Variants in GRM3 observed in about 807,000 individuals in gnomAD.
The protein encoded by GRM3 is glutamate metabotropic receptor 3, also known as metabotropic glutamate receptor 3.
In GRM3, 26 loss-of-function variants were observed where a neutral mutation model predicts 70.5. The ratio of observed to expected loss-of-function variants is 0.37; its 90% CI spans 0.27 to 0.51. GRM3 has a LOEUF of 0.51. Among genes scored for constraint, GRM3 ranks in the 20% least tolerant of loss-of-function variants. GRM3 has a pLI of 0.93. For synonymous variants in GRM3, 443 were observed against 434.9 expected, an observed-to-expected ratio of 1.02 and a Z score of -0.23; for missense variants, 859 against 1,123.8, an observed-to-expected ratio of 0.76 and a Z score of 3.37.
chr7:86,769,596 G>T (rs911798033), intron 2 of GRM3, among the ~76,000 whole-genome samples: 3 of 152,086 alleles, frequency 2.0e-5, no homozygotes, highest in African/African-American at 7.2e-5. Context: ...TTTTCCGGAA[G>T]GCAGCATAGG....
intron 1 of GRM3, among the ~76,000 whole-genome samples, chr7:86,693,676 A>C (rs555886503): frequency 2.2e-4 from 34 of 152,302 alleles, no homozygotes; most frequent in African/African-American, 8.2e-4. Flanking sequence ...GGTGTGAGAG[A>C]GATTATCTCA....
intron 3 of GRM3, among the ~76,000 whole-genome samples, chr7:86,806,685 T>G (rs1327735400): frequency 6.6e-6 from 1 of 152,192 alleles, no homozygotes; most frequent in Admixed American, 6.5e-5. Context: ...TTTTCTCCCA[T>G]TCTGTAGGTT....
At chr7:86,801,264 T>C (rs1045814561) in intron 3 of GRM3, among the ~76,000 whole-genome samples, 2 of 152,004 alleles carry the variant, frequency 1.3e-5, no homozygotes, top group Non-Finnish European at 2.9e-5. Flanking sequence ...CGAGACGGGG[T>C]TTCACTATGT....
chr7:86,706,115 C>T (rs772522362), intron 1 of GRM3, among the ~76,000 whole-genome samples: 1 of 151,990 alleles, frequency 6.6e-6, no homozygotes, highest in Non-Finnish European at 1.5e-5. Flanking sequence ...ATGAAAATTA[C>T]TAAGAGACAC....
chr7:86,790,960 C>T (rs1275556662), intron 3 of GRM3, among the ~76,000 whole-genome samples: 1 of 151,988 alleles, frequency 6.6e-6, no homozygotes, highest in Non-Finnish European at 1.5e-5. Flanking sequence ...CATACTACAT[C>T]ATCTATTACT....
intron 2 of GRM3, among the ~76,000 whole-genome samples, chr7:86,784,987 G>A (rs1797187675): frequency 6.6e-6 from 1 of 152,124 alleles, no homozygotes; most frequent in Non-Finnish European, 1.5e-5. Flanking sequence ...ATGATTAATC[G>A]GGGCTCAGAT....
chr7:86,731,614 T>C (rs1795736190), intron 1 of GRM3, among the ~76,000 whole-genome samples: 1 of 152,198 alleles, frequency 6.6e-6, no homozygotes, highest in Non-Finnish European at 1.5e-5. Context: ...TTTTCTTATT[T>C]AAAAATATTG....
rs111401448 is a variant in GRM3 at position 86,864,651 on chromosome 7, C to A, written c.*296C>A. 5,690 of 100,816 alleles carry A rather than the reference C, an allele frequency of 0.056. 333 individuals carry two copies. Among genetic ancestry groups the A allele is most frequent in the African/African-American group, 0.16 (4,777 of 30,514 alleles). 6.2% of individuals were successfully genotyped at this position (100,816 alleles called of 1,614,324 possible). On this transcript the variant is annotated 3_prime_UTR_variant, in exon 6 of 6. Coordinates refer to ENST00000361669, the MANE Select transcript of GRM3 (RefSeq NM_000840.3). ...TCTACTAAAAAACAAAAAAAAAAAA[C>A]AAAAAAAAAAAAACAAAAGAAAAAA...
At chr7:86,713,251 T>C (rs1795240034) in intron 1 of GRM3, among the ~76,000 whole-genome samples, 1 of 152,112 alleles carries the variant, frequency 6.6e-6, no homozygotes, top group Non-Finnish European at 1.5e-5. Context: ...TATTTTCATA[T>C]ACCTGTTAGC....
chr7:86,780,916 A>C (rs1459846331), intron 2 of GRM3, among the ~76,000 whole-genome samples: 6 of 152,220 alleles, frequency 3.9e-5, no homozygotes, highest in Non-Finnish European at 8.8e-5. Flanking sequence ...GACAAACATT[A>C]TACCTTGAAA....
intron 1 of GRM3, among the ~76,000 whole-genome samples, chr7:86,764,314 G>T (rs1487065829): frequency 6.6e-6 from 1 of 152,120 alleles, no homozygotes; most frequent in Non-Finnish European, 1.5e-5. Context: ...CTAGGAAGTT[G>T]TAATAGGTAG....
intron 3 of GRM3, among the ~76,000 whole-genome samples, chr7:86,835,494 T>C (rs559483732): frequency 6.6e-6 from 1 of 152,296 alleles, no homozygotes; most frequent in South Asian, 2.1e-4. Flanking sequence ...ATGGATAGAA[T>C]CAGTTACCTA....
At chr7:86,796,253 A>G (rs773886682) in intron 3 of GRM3, among the ~76,000 whole-genome samples, 26 of 152,336 alleles carry the variant, frequency 1.7e-4, no homozygotes, top group Non-Finnish European at 2.9e-4. Context: ...GGTACAAGGA[A>G]GGGATCCTAT....
At chr7:86,767,220 A>T (rs1015540645) in intron 2 of GRM3, among the ~76,000 whole-genome samples, 1 of 152,060 alleles carries the variant, frequency 6.6e-6, no homozygotes, top group African/African-American at 2.4e-5. Flanking sequence ...CTCAAAAAAA[A>T]AAATGTAAAT....
chr7:86,810,212 C>T (rs1162735763), intron 3 of GRM3, among the ~76,000 whole-genome samples: 1 of 151,920 alleles, frequency 6.6e-6, no homozygotes, highest in Admixed American at 6.6e-5. Flanking sequence ...CAATCTCATT[C>T]TTTGTCAAAA....
chr7:86,689,507 T>C (rs1794648449), intron 1 of GRM3, among the ~76,000 whole-genome samples: 1 of 152,098 alleles, frequency 6.6e-6, no homozygotes, highest in South Asian at 2.1e-4. Flanking sequence ...CAAGAAAGTG[T>C]TTCCTTACCA....
At chr7:86,648,104 C>G (rs1793519836) in intron 1 of GRM3, among the ~76,000 whole-genome samples, 1 of 152,188 alleles carries the variant, frequency 6.6e-6, no homozygotes. Flanking sequence ...CACACAGTTA[C>G]AGGAGAGAAT....
intron 1 of GRM3, among the ~76,000 whole-genome samples, chr7:86,713,391 C>G (rs1455919518): frequency 1.3e-5 from 2 of 152,008 alleles, no homozygotes; most frequent in Admixed American, 6.6e-5. Flanking sequence ...CACAGCTTAG[C>G]TCCTCTTTGT....
chr7:86,681,398 C>G (rs762267720), intron 1 of GRM3, among the ~76,000 whole-genome samples: 1 of 152,090 alleles, frequency 6.6e-6, no homozygotes, highest in Non-Finnish European at 1.5e-5. Context: ...ATCTCATTCA[C>G]GTTTTCTTTT....
Sources: gnomAD v4.1 joint callset for allele counts (sites outside exome capture counted in the v4.1 genomes callset) on GRCh38, gnomAD v4.1.1 for gene constraint, MANE v1.5 for transcripts, NCBI Gene and HGNC (gene_info 2026-07-23, HGNC 2026-07-21) for gene names.